GRM8: variants seen among roughly 807,000 people sequenced by gnomAD.
The protein encoded by GRM8 is metabotropic glutamate receptor 8.
In GRM8, 47 loss-of-function variants were observed where a neutral mutation model predicts 87.2. The ratio of observed to expected loss-of-function variants is 0.54; its 90% CI spans 0.43 to 0.69. The LOEUF is 0.69. Ranked by LOEUF, GRM8 falls within the 30% of genes least tolerant of loss-of-function variation. The pLI is 0.00. For synonymous variants in GRM8, 396 were observed against 404.5 expected, an observed-to-expected ratio of 0.98 and a Z score of 0.25; for missense variants, 1,019 against 1,139.2, an observed-to-expected ratio of 0.89 and a Z score of 1.52.
chr7:126,796,445 A>G (rs1028669325), intron 6 of GRM8, among the ~76,000 whole-genome samples: 2 of 152,176 alleles, frequency 1.3e-5, no homozygotes, highest in African/African-American at 4.8e-5. Context: ...AGAGGGAAAC[A>G]TAAATGACCA....
intron 2 of GRM8, among the ~76,000 whole-genome samples, chr7:127,190,800 AT>A (rs1221457360): frequency 2.0e-5 from 3 of 152,286 alleles, no homozygotes; most frequent in East Asian, 1.9e-4. Context: ...CTCAGACATT[AT>A]TTTTTTAACT....
chr7:127,217,760 T>A (rs1193974761), intron 2 of GRM8, among the ~76,000 whole-genome samples: 1 of 152,222 alleles, frequency 6.6e-6, no homozygotes, highest in Non-Finnish European at 1.5e-5. Flanking sequence ...ACATATTGAT[T>A]CCTTTTGGTG....
intron 2 of GRM8, among the ~76,000 whole-genome samples, chr7:127,202,789 C>T (rs1286638264): frequency 4.6e-5 from 7 of 152,112 alleles, no homozygotes. Flanking sequence ...AGATTGTTGA[C>T]CTCTTTAAAT....
chr7:126,919,155 CTCT>C (rs1207985688), intron 3 of GRM8, among the ~76,000 whole-genome samples: 1 of 152,118 alleles, frequency 6.6e-6, no homozygotes. Flanking sequence ...GCATGCTATC[CTCT>C]TCTCATCCCT....
At chr7:127,182,185 G>A (rs1052286197) in intron 2 of GRM8, among the ~76,000 whole-genome samples, 1 of 151,886 alleles carries the variant, frequency 6.6e-6, no homozygotes, top group South Asian at 2.1e-4. Context: ...GTGGGCTAAG[G>A]ACATAAATAG....
At chr7:126,855,807 C>G (rs904050764) in intron 6 of GRM8, among the ~76,000 whole-genome samples, 1 of 152,034 alleles carries the variant, frequency 6.6e-6, no homozygotes, top group Non-Finnish European at 1.5e-5. Context: ...ACACTTCCTT[C>G]CCATGGAGAA....
At chr7:126,551,524 C>T (rs1445924616) in intron 8 of GRM8, among the ~76,000 whole-genome samples, 3 of 152,134 alleles carry the variant, frequency 2.0e-5, no homozygotes, top group Non-Finnish European at 4.4e-5. Context: ...TAGAACATTT[C>T]CAATGTCCTG....
intron 2 of GRM8, among the ~76,000 whole-genome samples, chr7:127,172,660 A>T (rs1793878457): frequency 6.6e-6 from 1 of 151,846 alleles, no homozygotes; most frequent in Non-Finnish European, 1.5e-5. Context: ...GTGAGCCGAG[A>T]TCATGCCATT....
At chr7:126,739,476 G>A (rs1814683235) in intron 7 of GRM8, among the ~76,000 whole-genome samples, 1 of 151,792 alleles carries the variant, frequency 6.6e-6, no homozygotes, top group African/African-American at 2.4e-5. Context: ...AAATAAATAT[G>A]TTATATTCAC....
intron 8 of GRM8, among the ~76,000 whole-genome samples, chr7:126,564,052 C>G (rs944850549): frequency 6.6e-6 from 1 of 152,114 alleles, no homozygotes; most frequent in Non-Finnish European, 1.5e-5. Context: ...CTACCAGAAC[C>G]CTTTGGAGAT....
chr7:127,197,382 C>G (rs1260975429), intron 2 of GRM8, among the ~76,000 whole-genome samples: 2 of 152,182 alleles, frequency 1.3e-5, no homozygotes, highest in Non-Finnish European at 2.9e-5. Context: ...TTAGTTTGTA[C>G]TTGAAGCTTT....
chr7:126,477,976 G>A (rs900210474), intron 9 of GRM8, among the ~76,000 whole-genome samples: 1 of 152,076 alleles, frequency 6.6e-6, no homozygotes, highest in African/African-American at 2.4e-5. Context: ...GTTGGTGGCT[G>A]CATAACTTCA....
At chr7:126,935,032 G>C (rs1453600827) in intron 3 of GRM8, among the ~76,000 whole-genome samples, 1 of 152,178 alleles carries the variant, frequency 6.6e-6, no homozygotes, top group Non-Finnish European at 1.5e-5. Flanking sequence ...GCAGAAAAAT[G>C]TCTGTCATGT....
At chr7:126,768,432 G>A (rs980128729) in intron 7 of GRM8, among the ~76,000 whole-genome samples, 1 of 141,666 alleles carries the variant, frequency 7.1e-6, no homozygotes, top group Non-Finnish European at 1.5e-5. Flanking sequence ...CCTTTTAATA[G>A]CCATTACATT....
At chr7:127,036,618 G>T (rs1817872091) in intron 3 of GRM8, among the ~76,000 whole-genome samples, 1 of 152,174 alleles carries the variant, frequency 6.6e-6, no homozygotes, top group Admixed American at 6.5e-5. Context: ...GTATTGAGTT[G>T]CTACTTTGAA....
chr7:126,902,457 T>C, intron 6 of GRM8, 85 bp downstream of exon 6: 3 of 1,080,252 alleles, frequency 2.8e-6, no homozygotes, highest in Non-Finnish European at 4.0e-6. Flanking sequence ...TTCATCATTA[T>C]CCATATAGAA....
intron 6 of GRM8, among the ~76,000 whole-genome samples, chr7:126,838,134 G>A (rs1373163119): frequency 1.3e-5 from 2 of 152,122 alleles, no homozygotes; most frequent in Admixed American, 6.5e-5. Context: ...ATTAAAATAT[G>A]TACTGCATGA....
chr7:127,010,035 G>A (rs186092713), intron 3 of GRM8, among the ~76,000 whole-genome samples: 1 of 152,020 alleles, frequency 6.6e-6, no homozygotes, highest in Admixed American at 6.5e-5. Flanking sequence ...TAGTGTCAGG[G>A]TTTCACCATG....
intron 6 of GRM8, among the ~76,000 whole-genome samples, chr7:126,827,990 T>C (rs1235160530): frequency 6.6e-6 from 1 of 152,228 alleles, no homozygotes; most frequent in Non-Finnish European, 1.5e-5. Context: ...TTGTTTTTGG[T>C]TCTGTTTATA....
Sources: allele counts gnomAD v4.1 joint callset (sites outside exome capture counted in the v4.1 genomes callset), GRCh38; gene constraint gnomAD v4.1.1; transcripts MANE v1.5; gene names NCBI Gene and HGNC (gene_info 2026-07-23, HGNC 2026-07-21).